Variants in CUX2 observed in about 807,000 individuals in gnomAD.
CUX2 encodes homeobox protein cut-like 2.
A neutral mutation model predicts 144.8 loss-of-function variants in CUX2; 40 were observed. That is an observed-to-expected ratio of 0.28 (90% CI 0.21 to 0.36). The LOEUF is 0.36. Among genes scored for constraint, CUX2 ranks in the 10% least tolerant of loss-of-function variants. CUX2 has a pLI of 1.00. For synonymous variants in CUX2, 827 were observed against 875.6 expected (o/e 0.94, Z 0.98); for missense variants, 1,615 against 1,994.0 (o/e 0.81, Z 3.62).
chr12:111,076,243 CACT>C (rs1193660801), intron 1 of CUX2, among the ~76,000 whole-genome samples: 12 of 152,292 alleles, frequency 7.9e-5, no homozygotes, highest in African/African-American at 2.6e-4. Context: ...AATCCACCAC[CACT>C]GACTTTATCC....
intron 1 of CUX2, among the ~76,000 whole-genome samples, chr12:111,146,322 T>C (rs773906912): frequency 6.6e-6 from 1 of 152,282 alleles, no homozygotes; most frequent in East Asian, 1.9e-4. Context: ...GCCCTAAAAA[T>C]CCTCTTGTAT....
At position 111,310,579 on chromosome 12, in the gene CUX2, C is replaced by G. The variant is rs1340603704; in HGVS notation, c.1797C>G (p.Arg599=). 6.2e-7 allele frequency: 1 copy of G among 1,613,874 alleles called. No homozygotes were observed. Among genetic ancestry groups the G allele is most frequent in the South Asian group, 1.1e-5 (1 of 91,086 alleles). Residue 599 remains arginine (R), a synonymous_variant, in exon 15 of 22, where the codon CGC becomes CGG. Coordinates refer to ENST00000261726, the MANE Select transcript of CUX2 (RefSeq NM_015267.4). This position sits in a 1 kb window ranked among gnomAD's most constrained non-coding sequence, Gnocchi z 7.9. ...TCCTAGCCCGGCCCAAGCCCTGGCG[C>G]AAGCTCACGGTGAAGGGCAAGGAGC... The part of the protein sequence containing the change: ...SEILARPKPW[R]KLTVKGKEPF...
chr12:111,154,788 G>C (rs531423741), intron 1 of CUX2, among the ~76,000 whole-genome samples: 1 of 152,286 alleles, frequency 6.6e-6, no homozygotes, highest in Non-Finnish European at 1.5e-5. Context: ...GTCAGAAGTG[G>C]TAGGACAAAA....
intron 1 of CUX2, among the ~76,000 whole-genome samples, chr12:111,163,818 C>T (rs547575656): frequency 5.3e-5 from 8 of 152,284 alleles, no homozygotes; most frequent in East Asian, 3.9e-4. Flanking sequence ...TGCTGACTCA[C>T]GCCCACCCAT....
chr12:111,090,907 A>G (rs1872519001), intron 1 of CUX2, among the ~76,000 whole-genome samples: 1 of 152,010 alleles, frequency 6.6e-6, no homozygotes, highest in Admixed American at 6.6e-5. Context: ...TGCCATCACC[A>G]AACAGCAGGT....
chr12:111,135,532 G>A (rs78906242), intron 1 of CUX2, among the ~76,000 whole-genome samples: 5,650 of 152,262 alleles, frequency 0.037, 348 homozygotes, highest in African/African-American at 0.13. Context: ...CATATACACA[G>A]ATGTTCACAG....
intron 1 of CUX2, among the ~76,000 whole-genome samples, chr12:111,187,421 C>G (rs1291972223): frequency 6.6e-6 from 1 of 152,116 alleles, no homozygotes; most frequent in Non-Finnish European, 1.5e-5. Context: ...CTCCCCTGGC[C>G]CCCCCACTGC....
intron 1 of CUX2, among the ~76,000 whole-genome samples, chr12:111,093,605 C>T (rs1872657291): frequency 6.6e-6 from 1 of 152,170 alleles, no homozygotes; most frequent in Admixed American, 6.5e-5. Flanking sequence ...TGCTTCAGCT[C>T]ACCCAGGGCA....
intron 1 of CUX2, among the ~76,000 whole-genome samples, chr12:111,114,450 C>T (rs1341015394): frequency 6.6e-6 from 1 of 152,054 alleles, no homozygotes; most frequent in Non-Finnish European, 1.5e-5. Flanking sequence ...TGTTTGTTTT[C>T]TTCTTGATGA....
At chr12:111,217,147 C>T (rs1294093199) in intron 2 of CUX2, among the ~76,000 whole-genome samples, 1 of 152,154 alleles carries the variant, frequency 6.6e-6, no homozygotes, top group Non-Finnish European at 1.5e-5. Flanking sequence ...CTGGGAACCT[C>T]AGGTCACTTA....
At chr12:111,253,827 T>G (rs1441936925) in intron 3 of CUX2, among the ~76,000 whole-genome samples, 1 of 152,160 alleles carries the variant, frequency 6.6e-6, no homozygotes, top group Admixed American at 6.5e-5. Flanking sequence ...CAGCCTTTTT[T>G]TTTTTTTTGA....
chr12:111,098,399 C>CAAAAAA (rs537665407), intron 1 of CUX2, among the ~76,000 whole-genome samples: 6 of 85,130 alleles, frequency 7.0e-5, no homozygotes, highest in African/African-American at 2.5e-4. Flanking sequence ...GACTTCGTCT[C>CAAAAAA]AAAAAAAAAA....
chr12:111,276,772 C>T (rs532578719), intron 4 of CUX2, among the ~76,000 whole-genome samples: 4 of 152,206 alleles, frequency 2.6e-5, no homozygotes, highest in Admixed American at 6.5e-5. Context: ...CTCAGCCTCC[C>T]GAGTAGCTGG....
At chr12:111,168,500 C>CAGA (rs1361928039) in intron 1 of CUX2, among the ~76,000 whole-genome samples, 3 of 152,186 alleles carry the variant, frequency 2.0e-5, no homozygotes, top group African/African-American at 7.2e-5. Context: ...CCCACCACAC[C>CAGA]AGAACCTCGT....
intron 1 of CUX2, among the ~76,000 whole-genome samples, chr12:111,114,285 T>C (rs1297223561): frequency 6.6e-6 from 1 of 152,230 alleles, no homozygotes; most frequent in Non-Finnish European, 1.5e-5. Context: ...ATTTTATGCA[T>C]TCTAATAGGG....
rs369366015 is a variant in CUX2 at position 111,224,249 on chromosome 12, G to A, written c.222+6312G>A. On this transcript the variant is annotated intron_variant, in intron 3 of 21. Transcript: ENST00000261726. ...TTCTGATTCTCCCACCAAGACAATC[G>A]TCGGTGGGGAAGGGTAGTCCTAACC... Among the ~76,000 whole-genome samples the A allele has an allele frequency of 8.5e-5, 13 of 152,202 alleles. No individual in the cohort carries two copies. The East Asian group carries it at 1.5e-3, about 18-fold the overall frequency.
chr12:111,100,090 T>C (rs750854876), intron 1 of CUX2: 4 of 456,438 alleles, frequency 8.8e-6, no homozygotes, highest in South Asian at 6.2e-5. Context: ...CTTGGACGGC[T>C]CTGGAGAGGA....
intron 4 of CUX2, among the ~76,000 whole-genome samples, chr12:111,283,436 C>G (rs1384999663): frequency 6.6e-6 from 1 of 152,152 alleles, no homozygotes; most frequent in Non-Finnish European, 1.5e-5. Flanking sequence ...GAAGGGAGCT[C>G]TGAGTGGCAC....
chr12:111,330,720 T>TAC (rs1825839470), intron 18 of CUX2, among the ~76,000 whole-genome samples: 1 of 49,872 alleles, frequency 2.0e-5, no homozygotes, highest in African/African-American at 1.1e-4. Flanking sequence ...TATATATATA[T>TAC]ATATATATAT....
Sources: allele counts gnomAD v4.1 joint callset (sites outside exome capture counted in the v4.1 genomes callset), GRCh38; gene constraint gnomAD v4.1.1; non-coding constraint Gnocchi (gnomAD v3.1); transcripts MANE v1.5; gene names NCBI Gene and HGNC (gene_info 2026-07-23, HGNC 2026-07-21).